NDST4: variants seen among roughly 807,000 people sequenced by gnomAD.
NDST4 encodes the protein N-deacetylase and N-sulfotransferase 4.
NDST4 carries 63 observed loss-of-function variants against 100.8 expected under a neutral mutation model. The observed-to-expected ratio is 0.62, with a 90% CI of 0.51 to 0.77. The LOEUF is 0.77. Ranked by LOEUF, NDST4 falls within the 30% of genes least tolerant of loss-of-function variation. The pLI is 0.00. For missense variants in NDST4, 943 were observed against 1,018.4 expected (o/e 0.93, Z 1.01); for synonymous variants, 377 against 361.8 (o/e 1.04, Z -0.48).
Position 114,861,549 on chromosome 4 carries a change from G to C in NDST4, c.1720-8728C>G, listed in dbSNP as rs112763025. On this transcript the variant is annotated intron_variant, in intron 7 of 13. Coordinates refer to ENST00000264363, the MANE Select transcript of NDST4 (RefSeq NM_022569.3). ...AGGTGTTCATCTTGAGAGACTTCTT[G>C]GTCCATCATTAGAATGTACCAGCAC... Among the ~76,000 whole-genome samples, 401 of 152,096 alleles carry C rather than the reference G, an allele frequency of 2.6e-3. 3 individuals carry two copies. Among genetic ancestry groups the C allele is most frequent in the African/African-American group, 9.2e-3 (383 of 41,504 alleles).
chr4:115,058,096 A>G (rs929757666), intron 2 of NDST4, among the ~76,000 whole-genome samples: 1 of 152,180 alleles, frequency 6.6e-6, no homozygotes, highest in Admixed American at 6.6e-5. Flanking sequence ...GACAAAAAAC[A>G]TCCAGAAAGT....
chr4:114,891,774 C>T (rs1724603960), intron 6 of NDST4, among the ~76,000 whole-genome samples: 1 of 152,116 alleles, frequency 6.6e-6, no homozygotes, highest in South Asian at 2.1e-4. Context: ...CTCGTTAAAG[C>T]TGAGGTTGCT....
chr4:115,092,792 A>T (rs1225205998), intron 1 of NDST4, among the ~76,000 whole-genome samples: 5 of 152,284 alleles, frequency 3.3e-5, no homozygotes, highest in Admixed American at 3.3e-4. Flanking sequence ...CAATTAAAAA[A>T]ATTTAGTAGA....
In NDST4 at chr4:114,935,250, T is replaced by C; in HGVS notation, c.1492A>G (p.Ser498Gly). 1 of 1,610,662 alleles carries C rather than the reference T, an allele frequency of 6.2e-7. No homozygotes were observed. The highest frequency in any genetic ancestry group is 8.5e-7 in the Non-Finnish European group (1 of 1,178,454). Residue 498 changes from serine to glycine, a missense_variant, in exon 6 of 14, where the codon AGT becomes GGT. Around this residue, in one of 2 missense-constraint regions of NDST4, gnomAD observed 526 missense variants for 634.1 expected, o/e 0.83. Coordinates refer to ENST00000264363, the MANE Select transcript of NDST4 (RefSeq NM_022569.3). Reference protein sequence around the residue: ...YPGGPQELDKSIRGGELFLTI... With the variant: ...YPGGPQELDKGIRGGELFLTI... ...AGAAAAAGTTCACCTCCTCTGATACTTTTATCCAGTTCTTGGGGTCCTCCT... is the reference window on the plus strand; with the variant it reads ...AGAAAAAGTTCACCTCCTCTGATACCTTTATCCAGTTCTTGGGGTCCTCCT...
intron 3 of NDST4, among the ~76,000 whole-genome samples, chr4:114,970,944 C>T (rs1726501129): frequency 6.6e-6 from 1 of 151,902 alleles, no homozygotes; most frequent in African/African-American, 2.4e-5. Flanking sequence ...TAAATTTTAA[C>T]TCATAACATT....
chr4:115,067,118 G>T (rs1728965919), intron 2 of NDST4, among the ~76,000 whole-genome samples: 1 of 152,130 alleles, frequency 6.6e-6, no homozygotes, highest in Non-Finnish European at 1.5e-5. Flanking sequence ...CTTGCCAATT[G>T]CATGCTGGGT....
At position 114,890,202 on chromosome 4, in the gene NDST4, G is replaced by A. The variant is rs369132758; in HGVS notation, c.1537-19252C>T. 3.3e-5 allele frequency among the ~76,000 whole-genome samples: 5 copies of A among 152,060 alleles called. No homozygotes were observed. In the South Asian group the frequency reaches 8.3e-4, roughly 25 times the overall value. ...ACAATGGAAAGCTCTGTTTTATAAA[G>A]TCTCTTGACATCTTTTTTTGTAGAC... is the stretch of plus-strand genomic sequence containing the variant. On this transcript the variant is annotated intron_variant, in intron 6 of 13. Transcript: ENST00000264363.
At chr4:114,964,178 G>C (rs1388137346) in intron 4 of NDST4, among the ~76,000 whole-genome samples, 1 of 152,118 alleles carries the variant, frequency 6.6e-6, no homozygotes, top group African/African-American at 2.4e-5. Flanking sequence ...AGGAACACAG[G>C]GCAGACCCAG....
At chr4:114,983,333 A>G (rs953572140) in intron 2 of NDST4, among the ~76,000 whole-genome samples, 1 of 152,192 alleles carries the variant, frequency 6.6e-6, no homozygotes, top group Admixed American at 6.5e-5. Flanking sequence ...TGGGGGCTGT[A>G]CCCTTCAAAA....
At chr4:114,844,777 C>T (rs1039845925) in intron 10 of NDST4, among the ~76,000 whole-genome samples, 1 of 152,168 alleles carries the variant, frequency 6.6e-6, no homozygotes, top group Non-Finnish European at 1.5e-5. Flanking sequence ...TGTCAATGAA[C>T]ACTTTCCTCT....
chr4:115,068,883 A>T (rs772484152), intron 2 of NDST4, among the ~76,000 whole-genome samples: 4 of 151,976 alleles, frequency 2.6e-5, no homozygotes, highest in Non-Finnish European at 5.9e-5. Flanking sequence ...TTCTGCCCTC[A>T]CCAGTTAAAA....
At chr4:114,975,583 T>G (rs1726614960) in intron 3 of NDST4, among the ~76,000 whole-genome samples, 1 of 152,136 alleles carries the variant, frequency 6.6e-6, no homozygotes, top group African/African-American at 2.4e-5. Flanking sequence ...AAATGGGAAG[T>G]GGTGTATCCT....
intron 7 of NDST4, among the ~76,000 whole-genome samples, chr4:114,856,224 A>C (rs578135783): frequency 6.6e-6 from 1 of 152,126 alleles, no homozygotes; most frequent in African/African-American, 2.4e-5. Flanking sequence ...AACCATGCCC[A>C]GTTAATCTTT....
intron 2 of NDST4, among the ~76,000 whole-genome samples, chr4:115,020,283 A>G (rs931010639): frequency 1.3e-5 from 2 of 152,094 alleles, no homozygotes; most frequent in Non-Finnish European, 2.9e-5. Flanking sequence ...CAAAGAACAA[A>G]GTATTGGAAA....
intron 4 of NDST4, among the ~76,000 whole-genome samples, chr4:114,964,013 T>C (rs762969105): frequency 6.6e-6 from 1 of 152,106 alleles, no homozygotes; most frequent in Non-Finnish European, 1.5e-5. Context: ...TTCTGAAGAG[T>C]ATATGGTATA....
chr4:115,004,646 T>G (rs532262022), intron 2 of NDST4, among the ~76,000 whole-genome samples: 6 of 152,184 alleles, frequency 3.9e-5, no homozygotes, highest in Non-Finnish European at 7.4e-5. Context: ...CCCTTCTCAA[T>G]CAACCCCAAA....
intron 2 of NDST4, among the ~76,000 whole-genome samples, chr4:115,046,741 A>T (rs1434220925): frequency 1.3e-5 from 2 of 152,152 alleles, no homozygotes; most frequent in African/African-American, 2.4e-5. Flanking sequence ...AAAATTGTTT[A>T]TTCAGGAATT....
At chr4:115,038,033 C>T (rs1379653497) in intron 2 of NDST4, among the ~76,000 whole-genome samples, 2 of 152,220 alleles carry the variant, frequency 1.3e-5, no homozygotes, top group East Asian at 1.9e-4. Context: ...TTCAGAATAT[C>T]CTCCATGGAG....
chr4:115,020,000 C>T (rs555877604), intron 2 of NDST4, among the ~76,000 whole-genome samples: 19 of 151,876 alleles, frequency 1.3e-4, no homozygotes, highest in Non-Finnish European at 2.5e-4. Context: ...AAATTGATAC[C>T]GAAGAGTGGG....
Sources: gnomAD v4.1 joint callset for allele counts (sites outside exome capture counted in the v4.1 genomes callset) on GRCh38, gnomAD v4.1.1 for gene constraint, gnomAD v4.1.1 regional missense constraint, MANE v1.5 for transcripts, NCBI Gene and HGNC (gene_info 2026-07-23, HGNC 2026-07-21) for gene names.